ARHGAP10: variants seen among roughly 807,000 people sequenced by gnomAD.
ARHGAP10 encodes rho GTPase-activating protein 10.
A neutral mutation model predicts 108.6 loss-of-function variants in ARHGAP10; 87 were observed. The observed-to-expected ratio is 0.80, with a 90% CI of 0.67 to 0.96. The LOEUF is 0.96. Ranked by LOEUF, ARHGAP10 falls within the 40% of genes least tolerant of loss-of-function variation. ARHGAP10 has a pLI of 0.00. For missense variants in ARHGAP10, 939 were observed against 954.5 expected, an observed-to-expected ratio of 0.98 and a Z score of 0.21; for synonymous variants, 347 against 341.1, an observed-to-expected ratio of 1.02 and a Z score of -0.19.
At chr4:147,783,164 AT>A (rs1730626877) in intron 1 of ARHGAP10, among the ~76,000 whole-genome samples, 1 of 132,656 alleles carries the variant, frequency 7.5e-6, no homozygotes, top group African/African-American at 2.5e-5. Flanking sequence ...ATATTGTATA[AT>A]TTATATAACA....
chr4:148,029,205 ATG>A (rs1728025353), intron 19 of ARHGAP10, among the ~76,000 whole-genome samples: 2 of 152,210 alleles, frequency 1.3e-5, no homozygotes, highest in Non-Finnish European at 2.9e-5. Context: ...TCCTATAACT[ATG>A]AGCAAAGTAC....
chr4:148,065,060 A>G (rs547646335), intron 22 of ARHGAP10, among the ~76,000 whole-genome samples: 17 of 152,360 alleles, frequency 1.1e-4, no homozygotes, highest in African/African-American at 3.8e-4. Flanking sequence ...TTTAATATTC[A>G]TACACAAGCA....
chr4:147,820,311 A>T (rs1024685474), intron 1 of ARHGAP10, among the ~76,000 whole-genome samples: 1 of 152,200 alleles, frequency 6.6e-6, no homozygotes, highest in African/African-American at 2.4e-5. Flanking sequence ...ATTTTGAGAC[A>T]GTCTCATTCT....
rs1331222909 is a variant in ARHGAP10 at position 147,732,197 on chromosome 4, C to T, written c.-105C>T. 5 of 1,228,080 alleles carry T rather than the reference C, an allele frequency of 4.1e-6. No homozygotes were observed. The highest frequency in any genetic ancestry group is 4.1e-5 in the Admixed American group (1 of 24,306). 76.1% of individuals were successfully genotyped at this position (1,228,080 alleles called of 1,614,324 possible). ...CGCCGCGCGCCCGGGCCTGCTAGCT[C>T]CTCTGTGCTCCCTGAACGCGCGGCG... On this transcript the variant is annotated 5_prime_UTR_variant, in exon 1 of 23. Coordinates refer to ENST00000336498, the MANE Select transcript of ARHGAP10 (RefSeq NM_024605.4).
In ARHGAP10 at chr4:147,821,213, G is replaced by A. The variant is rs1732487664; in HGVS notation, c.155-1514G>A. ...GCAGAGGTGTGTAACATTCCTTGAG[G>A]TGGAGGCTCTGAATTGGCACAGTGT... On this transcript the variant is annotated intron_variant, in intron 1 of 22. Coordinates refer to ENST00000336498, the MANE Select transcript of ARHGAP10 (RefSeq NM_024605.4). Among the ~76,000 whole-genome samples the A allele has an allele frequency of 7.2e-5, 11 of 152,026 alleles. No individual in the cohort carries two copies. The South Asian group carries it at 1.9e-3, about 26-fold the overall frequency.
At chr4:147,769,478 G>C (rs570289398) in intron 1 of ARHGAP10, among the ~76,000 whole-genome samples, 1 of 152,074 alleles carries the variant, frequency 6.6e-6, no homozygotes, top group Non-Finnish European at 1.5e-5. Context: ...TTTATTTCAG[G>C]TATGTGCTGC....
chr4:147,938,070 A>T (rs541588600), intron 13 of ARHGAP10, among the ~76,000 whole-genome samples: 1 of 152,192 alleles, frequency 6.6e-6, no homozygotes, highest in Non-Finnish European at 1.5e-5. Context: ...TGGGACATGG[A>T]TGGAAGTGGA....
At chr4:147,830,403 C>T (rs1732901857) in intron 3 of ARHGAP10, among the ~76,000 whole-genome samples, 1 of 152,076 alleles carries the variant, frequency 6.6e-6, no homozygotes, top group Non-Finnish European at 1.5e-5. Flanking sequence ...AAATCTCCTC[C>T]ATAAGTTTTT....
intron 13 of ARHGAP10, among the ~76,000 whole-genome samples, chr4:147,937,398 C>T (rs1409152649): frequency 6.6e-6 from 1 of 151,688 alleles, no homozygotes; most frequent in African/African-American, 2.4e-5. Flanking sequence ...TTTTTCAAGA[C>T]CTTATTTCTA....
chr4:147,908,981 A>T (rs765771624), intron 11 of ARHGAP10, among the ~76,000 whole-genome samples: 27 of 152,146 alleles, frequency 1.8e-4, no homozygotes, highest in Non-Finnish European at 3.8e-4. Context: ...ATCTGCCTGA[A>T]GTTAGTGTTG....
At chr4:147,912,269 G>A (rs914075850) in intron 12 of ARHGAP10, among the ~76,000 whole-genome samples, 1 of 151,864 alleles carries the variant, frequency 6.6e-6, no homozygotes, top group Non-Finnish European at 1.5e-5. Context: ...TCCAGGCACA[G>A]TGGCTCACAC....
chr4:148,052,974 G>C (rs1729209984), intron 20 of ARHGAP10, among the ~76,000 whole-genome samples: 1 of 152,124 alleles, frequency 6.6e-6, no homozygotes, highest in Non-Finnish European at 1.5e-5. Context: ...TGCAGAAAAA[G>C]TATTAGATAC....
intron 1 of ARHGAP10, among the ~76,000 whole-genome samples, chr4:147,786,097 G>A (rs546487273): frequency 6.6e-6 from 1 of 152,214 alleles, no homozygotes; most frequent in Non-Finnish European, 1.5e-5. Flanking sequence ...TGCTTTTTTG[G>A]TTAAAAGTAA....
At chr4:147,941,550 T>C (rs1269875284) in intron 14 of ARHGAP10, among the ~76,000 whole-genome samples, 3 of 152,180 alleles carry the variant, frequency 2.0e-5, no homozygotes, top group African/African-American at 4.8e-5. Flanking sequence ...CTCACACATA[T>C]TGCTGGCAAG....
intron 19 of ARHGAP10, among the ~76,000 whole-genome samples, chr4:148,034,580 C>T (rs947406941): frequency 2.6e-5 from 4 of 151,790 alleles, no homozygotes; most frequent in East Asian, 3.9e-4. Flanking sequence ...CCACACACTT[C>T]GGCCTCCCAG....
At chr4:147,733,865 CACTT>C (rs1728322001) in intron 1 of ARHGAP10, among the ~76,000 whole-genome samples, 1 of 152,214 alleles carries the variant, frequency 6.6e-6, no homozygotes, top group South Asian at 2.1e-4. Context: ...GACTGGGACT[CACTT>C]AGGGTTTTTT....
At chr4:148,043,266 G>A (rs1216717524) in intron 19 of ARHGAP10, among the ~76,000 whole-genome samples, 1 of 151,992 alleles carries the variant, frequency 6.6e-6, no homozygotes, top group African/African-American at 2.4e-5. Context: ...ATTTTCCAGA[G>A]TGTCTTAGAG....
intron 19 of ARHGAP10, among the ~76,000 whole-genome samples, chr4:148,035,017 A>G (rs1412631656): frequency 2.0e-5 from 3 of 152,224 alleles, no homozygotes; most frequent in Admixed American, 1.3e-4. Flanking sequence ...TACTTGCTTT[A>G]TAATTGAATT....
rs1051633228 is a variant in ARHGAP10 at position 147,732,223 on chromosome 4, C to T, written c.-79C>T. 38 of 1,393,086 alleles carry T rather than the reference C, an allele frequency of 2.7e-5. 1 individual carries two copies. The highest frequency in any genetic ancestry group is 2.6e-4 in the South Asian group (16 of 61,592). 86.3% of individuals were successfully genotyped at this position (1,393,086 alleles called of 1,614,324 possible). On this transcript the variant is annotated 5_prime_UTR_variant, in exon 1 of 23. Transcript: ENST00000336498. ...CTCTGTGCTCCCTGAACGCGCGGCG[C>T]CGCACCTGGCAGCGGCCTCGGAGCT...
Sources: allele counts gnomAD v4.1 joint callset (sites outside exome capture counted in the v4.1 genomes callset), GRCh38; gene constraint gnomAD v4.1.1; transcripts MANE v1.5; gene names NCBI Gene and HGNC (gene_info 2026-07-23, HGNC 2026-07-21).